HIF1AN: variants seen among roughly 807,000 people sequenced by gnomAD.
HIF1AN encodes the protein hypoxia-inducible factor 1-alpha inhibitor.
A neutral mutation model predicts 47.7 loss-of-function variants in HIF1AN; 21 were observed. That is an observed-to-expected ratio of 0.44 (90% CI 0.31 to 0.63). HIF1AN has a LOEUF of 0.63. HIF1AN is among the 30% of genes least tolerant of loss of function. The pLI, the probability that HIF1AN is intolerant of heterozygous loss-of-function variation, is 0.07. For missense variants in HIF1AN, 320 were observed against 432.7 expected (o/e 0.74, Z 2.31); for synonymous variants, 152 against 155.9 (o/e 0.98, Z 0.18).
rs1467669046 is a variant in HIF1AN, at chr10:100,545,585, A to C, written c.724-358A>C. 1.3e-5 allele frequency: 3 copies of C among 223,622 alleles called. No individual in the cohort carries two copies. In the East Asian group the frequency reaches 3.1e-4, roughly 23 times the overall value. The allele number at this position is 223,622 out of a possible 1,614,324, so 13.9% of individuals were successfully genotyped here. On this transcript the variant is annotated intron_variant, in intron 4 of 7. Transcript: ENST00000299163. ...CTTCAGAAAGCTGTCTAGCTACTTCATGTGGGAGTCTTTGCTGGTTAGAAT... is the reference window on the plus strand; with the variant it reads ...CTTCAGAAAGCTGTCTAGCTACTTCCTGTGGGAGTCTTTGCTGGTTAGAAT...
rs1015723814 is a variant in HIF1AN at position 100,549,142 on chromosome 10, C to T, written c.*1005C>T. ...CCTCCCTACTTACCAAGGTTCTCCA[C>T]TGCTTACCTTTTCCAGTGGGACAGT... On this transcript the variant is annotated 3_prime_UTR_variant, in exon 8 of 8. Transcript: ENST00000299163. 2 of 152,518 alleles carry T rather than the reference C, an allele frequency of 1.3e-5. No individual in the cohort carries two copies. Among genetic ancestry groups the T allele is most frequent in the African/African-American group, 4.8e-5 (2 of 41,394 alleles). 9.4% of individuals were successfully genotyped at this position (152,518 alleles called of 1,614,324 possible). A position where few individuals can be genotyped will look rare whatever the true frequency, so the allele number is the denominator to read the frequency against.
chr10:100,544,055 T>C (rs537432707), intron 3 of HIF1AN, among the ~76,000 whole-genome samples: 2 of 152,340 alleles, frequency 1.3e-5, no homozygotes, highest in South Asian at 2.1e-4. Flanking sequence ...CTAAATTCCA[T>C]GCCCTGCAAA....
At chr10:100,542,844 G>T (rs1011120582) in intron 3 of HIF1AN, among the ~76,000 whole-genome samples, 33 of 69,330 alleles carry the variant, frequency 4.8e-4, no homozygotes, top group Non-Finnish European at 7.6e-4. Context: ...ATATGTGAAT[G>T]TGTTTTTTTT....
rs1436165652 is a variant in HIF1AN, at chr10:100,559,731, A to T, written c.*11594A>T. ...GTGCCTGGCCTTGAATATATTTTTTAACCAAAGTAATTTATGAATATAAAT... is the reference window on the plus strand; with the variant it reads ...GTGCCTGGCCTTGAATATATTTTTTTACCAAAGTAATTTATGAATATAAAT... On this transcript the variant is annotated 3_prime_UTR_variant, in exon 8 of 8. Transcript: ENST00000299163. 6.6e-6 allele frequency: 1 copy of T among 152,180 alleles called. No individual in the cohort carries two copies. The highest frequency in any genetic ancestry group is 2.4e-5 in the African/African-American group (1 of 41,422). 9.4% of individuals were successfully genotyped at this position (152,180 alleles called of 1,614,324 possible). A position where few individuals can be genotyped will look rare whatever the true frequency, so the allele number is the denominator to read the frequency against.
At chr10:100,536,937 GAGTT>G (rs1289842289) in intron 2 of HIF1AN, among the ~76,000 whole-genome samples, 4 of 152,204 alleles carry the variant, frequency 2.6e-5, no homozygotes, top group African/African-American at 4.8e-5. Flanking sequence ...TCCTCATAAA[GAGTT>G]AGTTGCCTAG....
intron 2 of HIF1AN, among the ~76,000 whole-genome samples, chr10:100,537,121 AGT>A (rs1564660983): frequency 6.6e-6 from 1 of 152,136 alleles, no homozygotes; most frequent in Non-Finnish European, 1.5e-5. Context: ...TGAGTCCAGG[AGT>A]TCAAGACCAG....
chr10:100,536,228 GCT>G, intron 1 of HIF1AN, 93 bp downstream of exon 1: 9 of 1,362,752 alleles, frequency 6.6e-6, no homozygotes, highest in Non-Finnish European at 9.1e-6. Context: ...GACTGGCAGG[GCT>G]CTAGACTAGG....
chr10:100,536,014 A>C lies in HIF1AN; in HGVS notation c.56A>C (p.Glu19Ala), dbSNP rs1415450135. 2 of 1,582,672 alleles carry C rather than the reference A, an allele frequency of 1.3e-6. No individual in the cohort carries two copies. Among genetic ancestry groups the C allele is most frequent in the Non-Finnish European group, 1.7e-6 (2 of 1,166,212 alleles). Residue 19 changes from glutamate (E) to alanine (A), a missense_variant, in exon 1 of 8, where the codon GAG becomes GCG. By Grantham distance (107) the Glu-to-Ala change is moderately radical. Coordinates refer to ENST00000299163, the MANE Select transcript of HIF1AN (RefSeq NM_017902.3). ...VASGSGEPRE[E>A]AGALGPAWDE... ...TCTGGCTCTGGAGAGCCCCGGGAGG[A>C]GGCTGGAGCCCTCGGCCCCGCCTGG...
Position 100,549,085 on chromosome 10 carries a change from T to TCC in HIF1AN, c.*948_*949insCC, listed in dbSNP as rs766408301. 3.7e-5 allele frequency: 5 copies of TCC among 135,428 alleles called. No homozygotes were observed. The highest frequency in any genetic ancestry group is 2.2e-4 in the Admixed American group (3 of 13,376). The allele number at this position is 135,428 out of a possible 1,614,324, so 8.4% of individuals were successfully genotyped here. A position where few individuals can be genotyped will look rare whatever the true frequency, so the allele number is the denominator to read the frequency against. ...GCGTGCGTGTGTGTGTGTGTGTCCG[T>TCC]GTGTGTGTGTGTGTGTGTCCACACT... is the stretch of plus-strand genomic sequence containing the variant. On this transcript the variant is annotated 3_prime_UTR_variant, in exon 8 of 8. Transcript: ENST00000299163.
rs1843133825 is a variant in HIF1AN, at chr10:100,549,502, T to A, written c.*1365T>A. The A allele has an allele frequency of 6.6e-6, 1 of 152,294 alleles. No homozygotes were observed. Among genetic ancestry groups the A allele is most frequent in the African/African-American group, 2.4e-5 (1 of 41,442 alleles). The allele number at this position is 152,294 out of a possible 1,614,324, so 9.4% of individuals were successfully genotyped here. A position where few individuals can be genotyped will look rare whatever the true frequency, so the allele number is the denominator to read the frequency against. On this transcript the variant is annotated 3_prime_UTR_variant, in exon 8 of 8. Coordinates refer to ENST00000299163, the MANE Select transcript of HIF1AN (RefSeq NM_017902.3). Reference sequence around the variant, plus strand: ...CAACACCCTCAATAGTCAGGGCAACTGGTGGAGCATGGAAGTCGAATTTCC... The same window carrying A: ...CAACACCCTCAATAGTCAGGGCAACAGGTGGAGCATGGAAGTCGAATTTCC...
chr10:100,546,986 C>T (rs1416293466), intron 6 of HIF1AN, among the ~76,000 whole-genome samples, 154 bp from the exon 7 acceptor site: 9 of 152,088 alleles, frequency 5.9e-5, no homozygotes, highest in Admixed American at 2.0e-4. Context: ...GTGATCCACC[C>T]GCCTCGGCCT....
rs370976016 is a variant in HIF1AN at position 100,551,540 on chromosome 10, A to T, written c.*3403A>T. 53 of 152,336 alleles carry T rather than the reference A, an allele frequency of 3.5e-4. No homozygotes were observed. The highest frequency in any genetic ancestry group is 1.3e-3 in the African/African-American group (52 of 41,582). The allele number at this position is 152,336 out of a possible 1,614,324, so 9.4% of individuals were successfully genotyped here. ...GGACCCAGTTGCCAGCCTGAGATGG[A>T]TATAGGAACAGACATCTTTGGGCAT... On this transcript the variant is annotated 3_prime_UTR_variant, in exon 8 of 8. Transcript: ENST00000299163.
At chr10:100,540,386 C>T (rs1238025644) in intron 2 of HIF1AN, among the ~76,000 whole-genome samples, 1 of 152,100 alleles carries the variant, frequency 6.6e-6, no homozygotes, top group Non-Finnish European at 1.5e-5. Context: ...CATATTGAGA[C>T]CTTGTTTCTT....
At chr10:100,537,551 A>G (rs1282412682) in intron 2 of HIF1AN, among the ~76,000 whole-genome samples, 6 of 152,228 alleles carry the variant, frequency 3.9e-5, no homozygotes, top group Admixed American at 2.0e-4. Flanking sequence ...TCCTATCACA[A>G]CAGCAACACA....
At position 100,551,571 on chromosome 10, in the gene HIF1AN, A is replaced by G. The variant is rs1843160167; in HGVS notation, c.*3434A>G. 1 of 152,174 alleles carries G rather than the reference A, an allele frequency of 6.6e-6. No homozygotes were observed. The highest frequency in any genetic ancestry group is 2.4e-5 in the African/African-American group (1 of 41,402). 9.4% of individuals were successfully genotyped at this position (152,174 alleles called of 1,614,324 possible). A position where few individuals can be genotyped will look rare whatever the true frequency, so the allele number is the denominator to read the frequency against. On this transcript the variant is annotated 3_prime_UTR_variant, in exon 8 of 8. Coordinates refer to ENST00000299163, the MANE Select transcript of HIF1AN (RefSeq NM_017902.3). ...GAACAGACATCTTTGGGCATGAGCC[A>G]ACAAAGATAGAAATAGATGAGTGTC...
chr10:100,554,266 C>T lies in HIF1AN; in HGVS notation c.*6129C>T, dbSNP rs1354442218. The T allele has an allele frequency of 6.6e-6, 1 of 152,176 alleles. No homozygotes were observed. The highest frequency in any genetic ancestry group is 1.5e-5 in the Non-Finnish European group (1 of 68,060). The allele number at this position is 152,176 out of a possible 1,614,324, so 9.4% of individuals were successfully genotyped here. A position where few individuals can be genotyped will look rare whatever the true frequency, so the allele number is the denominator to read the frequency against. Reference sequence around the variant, plus strand: ...ACCTGGAGAAGCTGTTGTCTCCTCACACCATGAAATGTAATAGCAGTCAAA... The same window carrying T: ...ACCTGGAGAAGCTGTTGTCTCCTCATACCATGAAATGTAATAGCAGTCAAA... On this transcript the variant is annotated 3_prime_UTR_variant, in exon 8 of 8. Transcript: ENST00000299163.
In HIF1AN at chr10:100,559,170, T is replaced by C. The variant is rs1772307008; in HGVS notation, c.*11033T>C. ...AGAACAACTTAAGATTTCCTGTATT[T>C]ATAAACTTAATTTATTGGAAATATA... is the stretch of plus-strand genomic sequence containing the variant. On this transcript the variant is annotated 3_prime_UTR_variant, in exon 8 of 8. Transcript: ENST00000299163. 2.0e-5 allele frequency: 3 copies of C among 152,208 alleles called. No individual in the cohort carries two copies. The highest frequency in any genetic ancestry group is 7.2e-5 in the African/African-American group (3 of 41,454). The allele number at this position is 152,208 out of a possible 1,614,324, so 9.4% of individuals were successfully genotyped here. A position where few individuals can be genotyped will look rare whatever the true frequency, so the allele number is the denominator to read the frequency against.
chr10:100,558,953 G>A lies in HIF1AN; in HGVS notation c.*10816G>A, dbSNP rs1181398139. 1 of 152,176 alleles carries A rather than the reference G, an allele frequency of 6.6e-6. No homozygotes were observed. The highest frequency in any genetic ancestry group is 1.9e-4 in the East Asian group (1 of 5,202). 9.4% of individuals were successfully genotyped at this position (152,176 alleles called of 1,614,324 possible). On this transcript the variant is annotated 3_prime_UTR_variant, in exon 8 of 8. Coordinates refer to ENST00000299163, the MANE Select transcript of HIF1AN (RefSeq NM_017902.3). Reference sequence around the variant, plus strand: ...TTGTATTTTAAGTCCTTGACATATGGAAGAGCATTTGTGAGAGTAACAGGT... The same window carrying A: ...TTGTATTTTAAGTCCTTGACATATGAAAGAGCATTTGTGAGAGTAACAGGT...
chr10:100,548,610 G>A lies in HIF1AN; in HGVS notation c.*473G>A, dbSNP rs528214173. On this transcript the variant is annotated 3_prime_UTR_variant, in exon 8 of 8. Transcript: ENST00000299163. ...ATGAGATGCTCTTGGACTCCCCACT[G>A]CATCTGGGCTGCAGGGCCAGAGCTA... 1.2e-3 allele frequency: 181 copies of A among 155,990 alleles called. No individual in the cohort carries two copies. Among genetic ancestry groups the A allele is most frequent in the African/African-American group, 3.9e-3 (163 of 41,598 alleles). 9.7% of individuals were successfully genotyped at this position (155,990 alleles called of 1,614,324 possible). A position where few individuals can be genotyped will look rare whatever the true frequency, so the allele number is the denominator to read the frequency against.
Sources: allele counts gnomAD v4.1 joint callset (sites outside exome capture counted in the v4.1 genomes callset), GRCh38; gene constraint gnomAD v4.1.1; transcripts MANE v1.5; gene names NCBI Gene and HGNC (gene_info 2026-07-23, HGNC 2026-07-21).